Variants in SEMA4F observed in about 807,000 individuals in gnomAD.
SEMA4F encodes semaphorin-4F.
SEMA4F carries 51 observed loss-of-function variants against 78.4 expected under a neutral mutation model. That is an observed-to-expected ratio of 0.65 (90% confidence interval 0.52 to 0.82). The LOEUF is 0.82. Ranked by LOEUF, SEMA4F falls within the 40% of genes least tolerant of loss-of-function variation. SEMA4F has a pLI of 0.00. For synonymous variants in SEMA4F, 418 were observed against 408.7 expected (o/e 1.02, Z -0.27); for missense variants, 938 against 1,014.4 (o/e 0.92, Z 1.02).
At chr2:74,678,568 C>G (rs1685413410) in intron 12 of SEMA4F, among the ~76,000 whole-genome samples, 1 of 152,236 alleles carries the variant, frequency 6.6e-6, no homozygotes, top group African/African-American at 2.4e-5. Context: ...GACCTTTTCA[C>G]TGACAACCCT....
At chr2:74,665,237 T>C (rs1684628403) in intron 5 of SEMA4F, among the ~76,000 whole-genome samples, 1 of 150,144 alleles carries the variant, frequency 6.7e-6, no homozygotes, top group Admixed American at 6.6e-5. Flanking sequence ...TCTTTTTTTT[T>C]TTTTTTTTTT....
chr2:74,693,263 G>A, the SEMA4F span, among the ~76,000 whole-genome samples: 1 of 152,132 alleles, frequency 6.6e-6, no homozygotes, highest in African/African-American at 2.4e-5. Flanking sequence ...ACCTTCCATT[G>A]ATTAACATCA....
intron 12 of SEMA4F, among the ~76,000 whole-genome samples, chr2:74,677,959 A>G (rs142532966): frequency 1.4e-3 from 219 of 152,358 alleles, no homozygotes; most frequent in Middle Eastern, 0.01. Context: ...TTTGTCATGA[A>G]TTATAAGTGT....
rs1685251240 is a variant in SEMA4F, at chr2:74,675,887, G to A, written c.1621G>A (p.Ala541Thr). ...AWSFRLDECVAHAGEHRGLVQ... is the reference protein window; with the variant it reads ...AWSFRLDECVTHAGEHRGLVQ... ...GAGCTTCCGGCTGGATGAGTGTGTG[G>A]CCCATGCCGGGGAGCACCGAGGGTG... The change falls in exon 12 of 14, where the codon GCC (alanine) becomes ACC (threonine). Residue 541 changes from alanine (A) to threonine (T), a missense_variant. Physicochemically the swap from Ala to Thr is moderately conservative, Grantham distance 58. Transcript: ENST00000357877. 1 of 1,613,292 alleles carries A rather than the reference G, an allele frequency of 6.2e-7. No individual in the cohort carries two copies. Among genetic ancestry groups the A allele is most frequent in the Non-Finnish European group, 8.5e-7 (1 of 1,179,736 alleles).
In SEMA4F at chr2:74,675,850, A is replaced by C. The variant is rs1176775336; in HGVS notation, c.1584A>C (p.Pro528=). ...SCSECILAQD[P]VCAWSFRLDE... ...CAGAGTGCATCCTGGCCCAGGACCC[A>C]GTCTGTGCCTGGAGCTTCCGGCTGG... The change falls in exon 12 of 14, where the codon CCA becomes CCC. Residue 528 remains proline (P), a synonymous_variant. Transcript: ENST00000357877. The C allele has an allele frequency of 6.2e-7, 1 of 1,614,240 alleles. No individual in the cohort carries two copies. Among genetic ancestry groups the C allele is most frequent in the Non-Finnish European group, 8.5e-7 (1 of 1,180,042 alleles).
the SEMA4F span, among the ~76,000 whole-genome samples, chr2:74,706,462 A>G: frequency 1.3e-5 from 2 of 152,202 alleles, no homozygotes; most frequent in Non-Finnish European, 1.5e-5. Context: ...ATGGAGATGC[A>G]TAGAGGGGAG....
At position 74,657,741 on chromosome 2, in the gene SEMA4F, T is replaced by C. The variant is rs980407061; in HGVS notation, c.358-112T>C. 8.0e-6 allele frequency: 11 copies of C among 1,376,666 alleles called. No individual in the cohort carries two copies. The African/African-American group carries it at 1.0e-4, about 12-fold the overall frequency. 85.3% of individuals were successfully genotyped at this position (1,376,666 alleles called of 1,614,324 possible). On this transcript the variant is annotated intron_variant, in intron 3 of 13. Transcript: ENST00000357877. ...GGCCCAGGCAGAGACTCTAACACCA[T>C]GCCATCACCCATCATCTCTGATCCC...
Position 74,673,772 on chromosome 2 carries a change from C to A in SEMA4F, c.766C>A (p.Arg256=). 6.2e-7 allele frequency: 1 copy of A among 1,614,166 alleles called. No homozygotes were observed. Among genetic ancestry groups the A allele is most frequent in the Admixed American group, 1.7e-5 (1 of 60,028 alleles). ...EIYFFFTETS[R]AFDSYERIKV... ...CTACTTCTTCTTTACGGAGACTTCCCGAGCATTTGACTCATACGAGCGCAT... is the reference window on the plus strand; with the variant it reads ...CTACTTCTTCTTTACGGAGACTTCCAGAGCATTTGACTCATACGAGCGCAT... Residue 256 remains arginine (R), a synonymous_variant, in exon 7 of 14, where the codon CGA becomes AGA. Transcript: ENST00000357877.
intron 1 of SEMA4F, 28 bp downstream of exon 1, chr2:74,654,549 C>A (rs1684017133): frequency 1.3e-6 from 2 of 1,518,964 alleles, no homozygotes; most frequent in Middle Eastern, 1.8e-4. Context: ...ACGCCCTCAG[C>A]CCTTCGCGCC....
chr2:74,696,986 A>G, the SEMA4F span, among the ~76,000 whole-genome samples: 3 of 152,328 alleles, frequency 2.0e-5, no homozygotes, highest in East Asian at 3.9e-4. Flanking sequence ...ATCTCATAAG[A>G]ATGTATATCT....
At chr2:74,686,313 A>T (rs1006938041), downstream of SEMA4F, among the ~76,000 whole-genome samples, 1 of 152,056 alleles carries the variant, frequency 6.6e-6, no homozygotes, top group Non-Finnish European at 1.5e-5. Context: ...GTTAGTCAGG[A>T]TGGTCTCAAT....
intron 7 of SEMA4F, among the ~76,000 whole-genome samples, chr2:74,674,149 G>T (rs1030132895): frequency 2.0e-5 from 3 of 152,188 alleles, no homozygotes; most frequent in Non-Finnish European, 2.9e-5. Context: ...ACTCTGTCCA[G>T]GTTCTTTAGT....
At chr2:74,673,624 C>T (rs1306015615) in intron 6 of SEMA4F, 48 bp downstream of exon 6, 1 of 1,612,816 alleles carries the variant, frequency 6.2e-7, no homozygotes, top group East Asian at 2.2e-5. Context: ...GGGGTGGAGT[C>T]TGGGAAGTCC....
rs140925977 is a variant in SEMA4F at position 74,656,632 on chromosome 2, C to G, written c.244C>G (p.Arg82Gly). Residue 82 changes from arginine to glycine, a missense_variant, in exon 2 of 14, where the codon CGG becomes GGG. Physicochemically the swap from Arg to Gly is moderately radical, Grantham distance 125 (BLOSUM62 -2). Coordinates refer to ENST00000357877, the MANE Select transcript of SEMA4F (RefSeq NM_004263.5). The part of the protein sequence containing the change: ...PASHTLYVGA[R>G]DTIFALSLPF... ...CTCCCACACACTTTATGTTGGCGCC[C>G]GGGACACCATCTTCGCTTTATCCCT... is the stretch of plus-strand genomic sequence containing the variant. 2.5e-6 allele frequency: 4 copies of G among 1,614,128 alleles called. No homozygotes were observed. Among genetic ancestry groups the G allele is most frequent in the Non-Finnish European group, 3.4e-6 (4 of 1,180,008 alleles).
At chr2:74,701,654 A>C in the SEMA4F span, among the ~76,000 whole-genome samples, 2 of 152,216 alleles carry the variant, frequency 1.3e-5, no homozygotes, top group Non-Finnish European at 2.9e-5. Flanking sequence ...GGCAGGGGTG[A>C]GATGCATATT....
the SEMA4F span, among the ~76,000 whole-genome samples, chr2:74,703,285 G>A: frequency 6.6e-6 from 1 of 152,196 alleles, no homozygotes; most frequent in South Asian, 2.1e-4. Flanking sequence ...GCACATTTTG[G>A]TTAAGGAAAT....
Position 74,681,549 on chromosome 2 carries a change from C to T in SEMA4F, c.*1340C>T, listed in dbSNP as rs1254903011. On this transcript the variant is annotated 3_prime_UTR_variant, in exon 14 of 14. Transcript: ENST00000357877. ...GGTCTGGAAGACTGTTGTGGCCTCT[C>T]AGTTCTCTTTGAGTCTGACTGACTG... The T allele has an allele frequency of 6.5e-6, 1 of 152,674 alleles. No homozygotes were observed. The highest frequency in any genetic ancestry group is 6.5e-5 in the Admixed American group (1 of 15,282). 9.5% of individuals were successfully genotyped at this position (152,674 alleles called of 1,614,324 possible).
intron 5 of SEMA4F, among the ~76,000 whole-genome samples, chr2:74,663,483 CAG>C (rs1285910444): frequency 1.3e-5 from 2 of 152,146 alleles, no homozygotes; most frequent in Admixed American, 1.3e-4. Flanking sequence ...ATACCTGAGA[CAG>C]GGTAATTTAT....
chr2:74,709,302 G>A, the SEMA4F span, among the ~76,000 whole-genome samples: 1 of 152,226 alleles, frequency 6.6e-6, no homozygotes, highest in East Asian at 1.9e-4. Context: ...GTGGAGGCCA[G>A]AGGGAGGCAT....
Sources: gnomAD v4.1 joint callset for allele counts (sites outside exome capture counted in the v4.1 genomes callset) on GRCh38, gnomAD v4.1.1 for gene constraint, MANE v1.5 for transcripts, NCBI Gene and HGNC (gene_info 2026-07-23, HGNC 2026-07-21) for gene names.